The following XXYLT1 variants were observed in gnomAD, a reference collection of about 807,000 sequenced individuals.
The protein encoded by XXYLT1 is UDP-xylose:alpha-xyloside alpha-1,3-xylosyltransferase.
Under a neutral mutation model 28.9 loss-of-function variants are expected in XXYLT1, and 20 were observed. The observed-to-expected ratio is 0.69, with a 90% CI of 0.49 to 1.00. The LOEUF (loss-of-function observed/expected upper bound fraction) is 1.00. Ranked by LOEUF, XXYLT1 falls within the 50% of genes least tolerant of loss-of-function variation. The pLI is 0.00. For synonymous variants in XXYLT1, 257 were observed against 253.8 expected (o/e 1.01, Z -0.12); for missense variants, 542 against 560.1 (o/e 0.97, Z 0.33).
At chr3:195,117,114 T>TACACACACACACAC (rs10633458) in intron 3 of XXYLT1, among the ~76,000 whole-genome samples, 6,973 of 148,638 alleles carry the variant, frequency 0.047, 178 homozygotes, top group Admixed American at 0.056. Flanking sequence ...ATATAGTGTA[T>TACACACACACACAC]ACACACACAC....
chr3:195,069,628 G>T lies in XXYLT1; in HGVS notation c.*87C>A. ...GACTTCCCTGCGGTGTCTCTCTAGC[G>T]GGTCAGACACTGCCCTTGGGTCTGT... On this transcript the variant is annotated 3_prime_UTR_variant, in exon 4 of 4. Transcript: ENST00000310380. 6.7e-7 allele frequency: 1 copy of T among 1,494,206 alleles called. No individual in the cohort carries two copies. Among genetic ancestry groups the T allele is most frequent in the South Asian group, 1.3e-5 (1 of 76,520 alleles). 92.6% of individuals were successfully genotyped at this position (1,494,206 alleles called of 1,614,324 possible).
intron 1 of XXYLT1, among the ~76,000 whole-genome samples, chr3:195,248,834 C>T (rs917345790): frequency 3.3e-5 from 5 of 152,126 alleles, no homozygotes; most frequent in Admixed American, 3.3e-4. Flanking sequence ...GCAGGAGAAT[C>T]GCTTGAACTC....
chr3:195,138,351 G>C (rs1158670344), intron 3 of XXYLT1, among the ~76,000 whole-genome samples: 1 of 152,188 alleles, frequency 6.6e-6, no homozygotes, highest in African/African-American at 2.4e-5. Flanking sequence ...AGACTAGGAG[G>C]GGAGAGGCTG....
Position 195,076,300 on chromosome 3 carries a change from C to T in XXYLT1, c.786-6189G>A, listed in dbSNP as rs1028476235. ...TGTTACCACCCACCCCACACCCACC[C>T]GTTCCAGAGAGGAAGAAGCCCGCAC... On this transcript the variant is annotated intron_variant, in intron 3 of 3. Coordinates refer to ENST00000310380, the MANE Select transcript of XXYLT1 (RefSeq NM_152531.5). This position sits in a 1 kb window ranked among gnomAD's most constrained non-coding sequence, Gnocchi z 5.3. Among the ~76,000 whole-genome samples the T allele has an allele frequency of 1.1e-4, 12 of 109,528 alleles. No individual in the cohort carries two copies. The highest frequency in any genetic ancestry group is 2.4e-4 in the Admixed American group (3 of 12,486). The allele number at this position is 109,528 out of a possible 152,430, so 71.9% of individuals were successfully genotyped here.
intron 3 of XXYLT1, among the ~76,000 whole-genome samples, chr3:195,089,445 G>C (rs1246533782): frequency 6.6e-6 from 1 of 152,066 alleles, no homozygotes; most frequent in Non-Finnish European, 1.5e-5. Context: ...AAGTGAAGGA[G>C]AAATAAAATA....
In XXYLT1 at chr3:195,180,305, G is replaced by C; in HGVS notation, c.653-23724C>G. On this transcript the variant is annotated intron_variant, in intron 2 of 3. Coordinates refer to ENST00000310380, the MANE Select transcript of XXYLT1 (RefSeq NM_152531.5). This position sits in a 1 kb window ranked among gnomAD's most constrained non-coding sequence, Gnocchi z 5.8. ...CAGGAAAGGTCCCTTCCATCCTGGGGACCCAACTCATGAGGGCCCAGAAGG... is the reference window on the plus strand; with the variant it reads ...CAGGAAAGGTCCCTTCCATCCTGGGCACCCAACTCATGAGGGCCCAGAAGG... 1 of 985,080 alleles carries C rather than the reference G, an allele frequency of 1.0e-6. No homozygotes were observed. The highest frequency in any genetic ancestry group is 1.2e-6 in the Non-Finnish European group (1 of 829,638). The allele number at this position is 985,080 out of a possible 1,614,324, so 61.0% of individuals were successfully genotyped here.
intron 3 of XXYLT1, among the ~76,000 whole-genome samples, chr3:195,110,173 AGTAT>A (rs1446247155): frequency 8.8e-5 from 1 of 11,390 alleles, no homozygotes; most frequent in East Asian, 1.5e-3. Flanking sequence ...GTGGTGTCTG[AGTAT>A]GTGTGTGTGT....
intron 2 of XXYLT1, among the ~76,000 whole-genome samples, chr3:195,161,299 CGATAGTTT>C (rs1258259342): frequency 6.6e-6 from 1 of 152,142 alleles, no homozygotes; most frequent in African/African-American, 2.4e-5. Flanking sequence ...TCGCCTCGCT[CGATAGTTT>C]GCTTGAGCCA....
rs145838451 is a variant in XXYLT1, at chr3:195,110,121, GGTGTGT to G, written c.786-40016_786-40011del. 1.9e-3 allele frequency among the ~76,000 whole-genome samples: 105 copies of G among 54,806 alleles called. 20 individuals carry two copies. The highest frequency in any genetic ancestry group is 6.1e-3 in the African/African-American group (103 of 16,766). 36.0% of individuals were successfully genotyped at this position (54,806 alleles called of 152,430 possible). On this transcript the variant is annotated intron_variant, in intron 3 of 3. Transcript: ENST00000310380. The stretch of plus-strand genomic sequence containing the variant: ...GTGTGTGGTGTATGTGTGCATGTGT[GGTGTGT>G]GTGTGTGTGGTGTGTGTGGTGTCTG...
chr3:195,086,582 G>A (rs1470744395), intron 3 of XXYLT1, among the ~76,000 whole-genome samples: 6 of 152,166 alleles, frequency 3.9e-5, no homozygotes, highest in Non-Finnish European at 7.4e-5. Context: ...GCCCTGTGAG[G>A]AAGGTCAGGG....
In XXYLT1 at chr3:195,087,850, C is replaced by A. The variant is rs542261260; in HGVS notation, c.786-17739G>T. On this transcript the variant is annotated intron_variant, in intron 3 of 3. Transcript: ENST00000310380. ...GCACCGTGCGCGAGCCGAAGCAGGGCGAGGCAAAGCCTCACTTGGGAAGCG... is the reference window on the plus strand; with the variant it reads ...GCACCGTGCGCGAGCCGAAGCAGGGAGAGGCAAAGCCTCACTTGGGAAGCG... 5.5e-3 allele frequency among the ~76,000 whole-genome samples: 841 copies of A among 152,038 alleles called. 5 individuals carry two copies. Among genetic ancestry groups the A allele is most frequent in the Non-Finnish European group, 8.1e-3 (552 of 68,004 alleles).
intron 1 of XXYLT1, among the ~76,000 whole-genome samples, chr3:195,254,056 A>T (rs1157289475): frequency 1.3e-5 from 2 of 152,066 alleles, no homozygotes; most frequent in Non-Finnish European, 2.9e-5. Context: ...TGGGGTGGGG[A>T]GATTTCCCTC....
chr3:195,110,552 GTGT>G (rs1253537866), intron 3 of XXYLT1, among the ~76,000 whole-genome samples: 52 of 87,636 alleles, frequency 5.9e-4, no homozygotes, highest in Admixed American at 1.4e-3. Flanking sequence ...TGTGGTGTGT[GTGT>G]GGTGTATGTA....
At chr3:195,098,444 T>C (rs941571888) in intron 3 of XXYLT1, among the ~76,000 whole-genome samples, 1 of 152,120 alleles carries the variant, frequency 6.6e-6, no homozygotes, top group African/African-American at 2.4e-5. Flanking sequence ...TCCCAGCTAC[T>C]TGGGAGGCTG....
chr3:195,164,277 A>G (rs1007050334), intron 2 of XXYLT1, among the ~76,000 whole-genome samples: 1 of 152,206 alleles, frequency 6.6e-6, no homozygotes, highest in Non-Finnish European at 1.5e-5. Flanking sequence ...CCCCACATCC[A>G]GATCCCCTTT....
At chr3:195,202,244 C>A (rs965246911) in intron 2 of XXYLT1, among the ~76,000 whole-genome samples, 1 of 152,148 alleles carries the variant, frequency 6.6e-6, no homozygotes, top group African/African-American at 2.4e-5. Context: ...CACTGAACCC[C>A]ACTTTGCTCC....
At position 195,226,835 on chromosome 3, in the gene XXYLT1, C is replaced by T. The variant is rs577731323; in HGVS notation, c.526G>A (p.Val176Met). Residue 176 changes from valine (V) to methionine (M), a missense_variant, in exon 2 of 4, where the codon GTG becomes ATG. Transcript: ENST00000310380. Reference protein sequence around the residue: ...KCKVIFHDVAVLTDKLFPIVE... With the variant: ...KCKVIFHDVAMLTDKLFPIVE... ...ATGGGGAAGAGCTTATCCGTCAGCACAGCAACATCGTGGAAGATGACCTGC... is the reference window on the plus strand; with the variant it reads ...ATGGGGAAGAGCTTATCCGTCAGCATAGCAACATCGTGGAAGATGACCTGC... 1 of 1,613,646 alleles carries T rather than the reference C, an allele frequency of 6.2e-7. No homozygotes were observed. The highest frequency in any genetic ancestry group is 2.2e-5 in the East Asian group (1 of 44,840).
intron 3 of XXYLT1, among the ~76,000 whole-genome samples, chr3:195,090,562 C>G (rs1036038611): frequency 1.3e-5 from 2 of 151,156 alleles, no homozygotes; most frequent in Non-Finnish European, 2.9e-5. Context: ...CTAAATGCCA[C>G]AAGAGAAAGC....
intron 3 of XXYLT1, among the ~76,000 whole-genome samples, chr3:195,123,338 G>A (rs577982491): frequency 3.3e-5 from 5 of 152,194 alleles, no homozygotes; most frequent in Middle Eastern, 3.4e-3. Flanking sequence ...GAGCCTCCCC[G>A]TCAGCAAGCC....
Sources: allele counts gnomAD v4.1 joint callset (sites outside exome capture counted in the v4.1 genomes callset), GRCh38; gene constraint gnomAD v4.1.1; non-coding constraint Gnocchi (gnomAD v3.1); transcripts MANE v1.5; gene names NCBI Gene and HGNC (gene_info 2026-07-23, HGNC 2026-07-21).